TRIM17: variants seen among roughly 807,000 people sequenced by gnomAD.
TRIM17 encodes E3 ubiquitin-protein ligase TRIM17.
A neutral mutation model predicts 35.8 loss-of-function variants in TRIM17; 27 were observed. That is an observed-to-expected ratio of 0.75 (90% CI 0.56 to 1.04). The LOEUF (loss-of-function observed/expected upper bound fraction) is 1.04, where lower values mean the gene tolerates loss of function less well. TRIM17 is among the 50% of genes least tolerant of loss of function. The pLI, the probability that TRIM17 is intolerant of heterozygous loss-of-function variation, is 0.00. For synonymous variants in TRIM17, 246 were observed against 252.6 expected (o/e 0.97, Z 0.25); for missense variants, 582 against 612.8 (o/e 0.95, Z 0.53).
In TRIM17 at chr1:228,416,853, G is replaced by A. The variant is rs1366397405; in HGVS notation, c.-356C>T. ...GACGAGCCGGGGACAGGCGCAGCGG[G>A]TGCTGACTGGGCGGTGGGGAGGATG... On this transcript the variant is annotated 5_prime_UTR_variant, in exon 1 of 7. Transcript: ENST00000366698. 2.0e-6 allele frequency: 2 copies of A among 985,000 alleles called. No homozygotes were observed. Among genetic ancestry groups the A allele is most frequent in the Non-Finnish European group, 2.4e-6 (2 of 830,110 alleles). 61.0% of individuals were successfully genotyped at this position (985,000 alleles called of 1,614,324 possible).
intron 3 of TRIM17, among the ~76,000 whole-genome samples, chr1:228,412,807 T>G (rs1656857035): frequency 6.6e-6 from 1 of 152,008 alleles, no homozygotes; most frequent in Non-Finnish European, 1.5e-5. Context: ...TCTCTAAATC[T>G]GTTTTAATTT....
rs1656736012 is a variant in TRIM17 at position 228,410,866 on chromosome 1, C to G, written c.756+80G>C. On this transcript the variant is annotated intron_variant, in intron 4 of 6. Transcript: ENST00000366698. The surrounding 1 kb of genome is among the most constrained non-coding windows in gnomAD (Gnocchi z 4.6). ...CTAACAGCCCTTTCCCGTTGGCTGC[C>G]TCTTCCCCAAGCCCAGCGCCCCCTG... The G allele has an allele frequency of 9.3e-7, 1 of 1,079,076 alleles. No individual in the cohort carries two copies. The highest frequency in any genetic ancestry group is 1.6e-5 in the African/African-American group (1 of 62,570). The allele number at this position is 1,079,076 out of a possible 1,614,324, so 66.8% of individuals were successfully genotyped here.
chr1:228,415,714 G>A (rs1657079997), intron 1 of TRIM17: 1 of 152,886 alleles, frequency 6.5e-6, no homozygotes, highest in Non-Finnish European at 1.5e-5. Context: ...TCTTCCATTC[G>A]GTAGTGAGGT....
At chr1:228,414,475 C>T (rs1385136469) in intron 2 of TRIM17, among the ~76,000 whole-genome samples, 169 bp downstream of exon 2, 1 of 152,214 alleles carries the variant, frequency 6.6e-6, no homozygotes, top group Non-Finnish European at 1.5e-5. Flanking sequence ...TCCCCAGGGA[C>T]ACCCCTACCC....
Position 228,408,381 on chromosome 1 carries a change from C to A in TRIM17, c.1254G>T (p.Met418Ile). The change falls in exon 7 of 7, where the codon ATG (methionine) becomes ATT (isoleucine). Residue 418 changes from methionine to isoleucine, a missense_variant. By Grantham distance (10) the Met-to-Ile change is conservative. Transcript: ENST00000366698. This position sits in a 1 kb window ranked among gnomAD's most constrained non-coding sequence, Gnocchi z 6.3. ...PVMLMEPPSH[M>I]GIFLDFEAGE... is the part of the protein sequence containing the mutation. Reference sequence around the variant, plus strand: ...CGGCTTCGAAGTCCAGGAAGATGCCCATGTGGCTGGGAGGCTCCATCAGCA... The same window carrying A: ...CGGCTTCGAAGTCCAGGAAGATGCCAATGTGGCTGGGAGGCTCCATCAGCA... 2.5e-6 allele frequency: 4 copies of A among 1,614,178 alleles called. No homozygotes were observed. The highest frequency in any genetic ancestry group is 3.4e-6 in the Non-Finnish European group (4 of 1,180,008).
Position 228,410,905 on chromosome 1 carries a change from G to C in TRIM17, c.756+41C>G, listed in dbSNP as rs187883519. ...CAGCGCCCCCTGCCCATGCCTGTCA[G>C]AGCTCACATCCCACCCTGCCTGCCA... On this transcript the variant is annotated intron_variant, in intron 4 of 6. Coordinates refer to ENST00000366698, the MANE Select transcript of TRIM17 (RefSeq NM_016102.4). This position sits in a 1 kb window ranked among gnomAD's most constrained non-coding sequence, Gnocchi z 4.6. 260 of 1,396,380 alleles carry C rather than the reference G, an allele frequency of 1.9e-4. No individual in the cohort carries two copies. In the African/African-American group the frequency reaches 2.6e-3, roughly 14 times the overall value. 86.5% of individuals were successfully genotyped at this position (1,396,380 alleles called of 1,614,324 possible). A position where few individuals can be genotyped will look rare whatever the true frequency, so the allele number is the denominator to read the frequency against.
chr1:228,415,188 TAC>T, intron 1 of TRIM17, 75 bp from the exon 2 acceptor site: 2 of 1,228,214 alleles, frequency 1.6e-6, no homozygotes, highest in South Asian at 3.2e-5. Context: ...AGCCTCCCTT[TAC>T]AGAGGAGGGC....
At position 228,414,809 on chromosome 1, in the gene TRIM17, C is replaced by T; in HGVS notation, c.264G>A (p.Gln88=). The change falls in exon 2 of 7, where the codon CAG becomes CAA. Residue 88 remains glutamine (Q), a synonymous_variant. Transcript: ENST00000366698. The part of the protein sequence containing the change: ...RLLTKVAEMA[Q]QHPGLQKQDL... Reference sequence around the variant, plus strand: ...CTTGCTTCTGCAGACCAGGATGCTGCTGCGCCATCTCGGCCACCTTGGTCA... The same window carrying T: ...CTTGCTTCTGCAGACCAGGATGCTGTTGCGCCATCTCGGCCACCTTGGTCA... 1 of 1,613,408 alleles carries T rather than the reference C, an allele frequency of 6.2e-7. No homozygotes were observed. Among genetic ancestry groups the T allele is most frequent in the Non-Finnish European group, 8.5e-7 (1 of 1,180,040 alleles).
chr1:228,409,391 G>A lies in TRIM17; in HGVS notation c.777C>T (p.Ser259=). 1.3e-6 allele frequency: 2 copies of A among 1,561,410 alleles called. No homozygotes were observed. Among genetic ancestry groups the A allele is most frequent in the Non-Finnish European group, 1.7e-6 (2 of 1,156,572 alleles). The change falls in exon 5 of 7, where the codon AGC becomes AGT. Residue 259 remains serine, a splice_region_variant and synonymous_variant. Transcript: ENST00000366698. The stretch of plus-strand genomic sequence containing the variant: ...CCCTGCCTGAGGGGACCACATACCT[G>A]CTCAGGGGTTCCTTCATGTCCTGCA... ...QMLQDMKEPL[S]RKNNVSVQCP... is the part of the protein sequence containing the mutation.
chr1:228,408,757 G>T lies in TRIM17; in HGVS notation c.884-6C>A. 15 of 1,597,386 alleles carry T rather than the reference G, an allele frequency of 9.4e-6. No homozygotes were observed. The highest frequency in any genetic ancestry group is 1.2e-5 in the Non-Finnish European group (14 of 1,178,064). On this transcript the variant is annotated splice_polypyrimidine_tract_variant and splice_region_variant and intron_variant, in intron 6 of 6. Transcript: ENST00000366698. This position sits in a 1 kb window ranked among gnomAD's most constrained non-coding sequence, Gnocchi z 6.3. ...GGCATCAGGCACCACATCCTCTGTAGATGGGCGTGGTGGTGGAGAGATGGG... is the reference window on the plus strand; with the variant it reads ...GGCATCAGGCACCACATCCTCTGTATATGGGCGTGGTGGTGGAGAGATGGG...
In TRIM17 at chr1:228,408,688, C is replaced by T; in HGVS notation, c.947G>A (p.Arg316Lys). Reference sequence around the variant, plus strand: ...CTCCGGCGAAGAGCCGAGGTAGCGCCTCTGGCGGCTCTCATACAGGAGGAG... The same window carrying T: ...CTCCGGCGAAGAGCCGAGGTAGCGCTTCTGGCGGCTCTCATACAGGAGGAG... Reference protein sequence around the residue: ...PYLLLYESRQRRYLGSSPEGS... With the variant: ...PYLLLYESRQKRYLGSSPEGS... The change falls in exon 7 of 7, where the codon AGG becomes AAG. Residue 316 changes from arginine to lysine, a missense_variant. Coordinates refer to ENST00000366698, the MANE Select transcript of TRIM17 (RefSeq NM_016102.4). The surrounding 1 kb of genome is among the most constrained non-coding windows in gnomAD (Gnocchi z 6.3). 1.2e-6 allele frequency: 2 copies of T among 1,609,228 alleles called. No individual in the cohort carries two copies. Among genetic ancestry groups the T allele is most frequent in the Non-Finnish European group, 8.5e-7 (1 of 1,180,002 alleles).
Position 228,408,275 on chromosome 1 carries a change from G to A in TRIM17, c.1360C>T (p.Pro454Ser). 1 of 1,593,444 alleles carries A rather than the reference G, an allele frequency of 6.3e-7. No individual in the cohort carries two copies. Among genetic ancestry groups the A allele is most frequent in the Non-Finnish European group, 8.6e-7 (1 of 1,168,528 alleles). The part of the protein sequence containing the change: ...SQATFPGPLQ[P>S]FFCLGAPKSG... ...TTCGGAGCCCCCAGGCAGAAGAAAG[G>A]CTGCAGGGGGCCTGGGAAGGTGGCC... The change falls in exon 7 of 7, where the codon CCT becomes TCT. Residue 454 changes from proline (P) to serine (S), a missense_variant. Pro to Ser is a moderately conservative substitution (Grantham distance 74). Coordinates refer to ENST00000366698, the MANE Select transcript of TRIM17 (RefSeq NM_016102.4). The surrounding 1 kb of genome is among the most constrained non-coding windows in gnomAD (Gnocchi z 6.3).
In TRIM17 at chr1:228,408,287, C is replaced by A; in HGVS notation, c.1348G>T (p.Gly450Cys). 1 of 1,603,584 alleles carries A rather than the reference C, an allele frequency of 6.2e-7. No individual in the cohort carries two copies. Among genetic ancestry groups the A allele is most frequent in the Non-Finnish European group, 8.5e-7 (1 of 1,173,386 alleles). Residue 450 changes from glycine to cysteine, a missense_variant, in exon 7 of 7, where the codon GGC becomes TGC. Gly to Cys is a radical substitution (Grantham distance 159, BLOSUM62 -3). Coordinates refer to ENST00000366698, the MANE Select transcript of TRIM17 (RefSeq NM_016102.4). The surrounding 1 kb of genome is among the most constrained non-coding windows in gnomAD (Gnocchi z 6.3). ...LHTYSQATFP[G>C]PLQPFFCLGA... ...AGGCAGAAGAAAGGCTGCAGGGGGC[C>A]TGGGAAGGTGGCCTGGGAGTAGGTG...
Position 228,414,833 on chromosome 1 carries a change from C to T in TRIM17, c.240G>A (p.Leu80=). The T allele has an allele frequency of 6.2e-7, 1 of 1,613,560 alleles. No homozygotes were observed. Among genetic ancestry groups the T allele is most frequent in the Non-Finnish European group, 8.5e-7 (1 of 1,180,034 alleles). Residue 80 remains leucine (L), a synonymous_variant, in exon 2 of 7, where the codon CTG becomes CTA. Coordinates refer to ENST00000366698, the MANE Select transcript of TRIM17 (RefSeq NM_016102.4). ...PQRNLLPNRL[L]TKVAEMAQQH... The stretch of plus-strand genomic sequence containing the variant: ...GCTGCGCCATCTCGGCCACCTTGGT[C>T]AGCAGCCGGTTGGGCAGCAGGTTCC...
rs546034347 is a variant in TRIM17 at position 228,414,667 on chromosome 1, C to T, written c.406G>A (p.Glu136Lys). The T allele has an allele frequency of 3.0e-5, 48 of 1,611,614 alleles. No homozygotes were observed. The highest frequency in any genetic ancestry group is 7.7e-5 in the South Asian group (7 of 90,994). The change falls in exon 2 of 7, where the codon GAG becomes AAG. Residue 136 changes from glutamate to lysine, a missense_variant. Transcript: ENST00000366698. ...EHRLHRVLPA[E>K]EAVQGYKLKL... Reference sequence around the variant, plus strand: ...ACCTTGTACCCCTGCACTGCCTCCTCGGCGGGCAGCACCCTGTGCAGCCGG... The same window carrying T: ...ACCTTGTACCCCTGCACTGCCTCCTTGGCGGGCAGCACCCTGTGCAGCCGG...
In TRIM17 at chr1:228,413,841, C is replaced by T. The variant is rs1656924774; in HGVS notation, c.481G>A (p.Gly161Arg). 1 of 1,614,124 alleles carries T rather than the reference C, an allele frequency of 6.2e-7. No homozygotes were observed. Among genetic ancestry groups the T allele is most frequent in the Non-Finnish European group, 8.5e-7 (1 of 1,180,046 alleles). The change falls in exon 3 of 7, where the codon GGG becomes AGG. Residue 161 changes from glycine to arginine, a missense_variant. Coordinates refer to ENST00000366698, the MANE Select transcript of TRIM17 (RefSeq NM_016102.4). The stretch of plus-strand genomic sequence containing the variant: ...TGCTCCTCCCTGGCCTGCAGATTCC[C>T]TGTCCTGGTGATCTGCTCCCGAAGG... Reference protein sequence around the residue: ...EYLREQITRTGNLQAREEQSL... With the variant: ...EYLREQITRTRNLQAREEQSL...
At chr1:228,416,317 G>GGGCTCT (rs1333060967) in intron 1 of TRIM17, 1 of 984,626 alleles carries the variant, frequency 1.0e-6, no homozygotes, top group Non-Finnish European at 1.2e-6. Flanking sequence ...AGCGGGCCTG[G>GGGCTCT]GGCTCTGGCT....
At position 228,409,221 on chromosome 1, in the gene TRIM17, C is replaced by T. The variant is rs377381217; in HGVS notation, c.834G>A (p.Arg278=). The change falls in exon 6 of 7, where the codon AGG becomes AGA. Residue 278 remains arginine, a synonymous_variant. Transcript: ENST00000366698. ...TCTGTCCGGGAACTCTGCACACAGTCCTGGGTCTGGTTGGGGGGGCAACCT... is the reference window on the plus strand; with the variant it reads ...TCTGTCCGGGAACTCTGCACACAGTTCTGGGTCTGGTTGGGGGGGCAACCT... The part of the protein sequence containing the change: ...CPEVAPPTRP[R]TVCRVPGQIE... 9.3e-6 allele frequency: 15 copies of T among 1,613,908 alleles called. No individual in the cohort carries two copies. Among genetic ancestry groups the T allele is most frequent in the Non-Finnish European group, 1.3e-5 (15 of 1,179,988 alleles).
chr1:228,409,985 C>G (rs1313672111), intron 4 of TRIM17, among the ~76,000 whole-genome samples: 1 of 152,156 alleles, frequency 6.6e-6, no homozygotes, highest in African/African-American at 2.4e-5. Context: ...ATGCAGGTGG[C>G]GCGCTTGGCC....
Sources: allele counts gnomAD v4.1 joint callset (sites outside exome capture counted in the v4.1 genomes callset), GRCh38; gene constraint gnomAD v4.1.1; non-coding constraint Gnocchi (gnomAD v3.1); transcripts MANE v1.5; gene names NCBI Gene and HGNC (gene_info 2026-07-23, HGNC 2026-07-21).